AZI2: variants seen among roughly 807,000 people sequenced by gnomAD.
The protein encoded by AZI2 is 5-azacytidine-induced protein 2.
Under a neutral mutation model 45.8 loss-of-function variants are expected in AZI2, and 22 were observed. The ratio of observed to expected loss-of-function variants is 0.48; its 90% CI spans 0.34 to 0.69. The LOEUF (loss-of-function observed/expected upper bound fraction) is 0.69, where lower values mean the gene tolerates loss of function less well. Among genes scored for constraint, AZI2 ranks in the 30% least tolerant of loss-of-function variants. AZI2 has a pLI of 0.01. For missense variants in AZI2, 417 were observed against 441.5 expected, an observed-to-expected ratio of 0.94 and a Z score of 0.50; for synonymous variants, 137 against 156.7, an observed-to-expected ratio of 0.87 and a Z score of 0.94.
chr3:28,333,474 A>G lies in AZI2; in HGVS notation c.589-1047T>C, dbSNP rs185590078. Among the ~76,000 whole-genome samples the G allele has an allele frequency of 3.9e-3, 596 of 151,898 alleles. 4 individuals carry two copies. Among genetic ancestry groups the G allele is most frequent in the Middle Eastern group, 6.8e-3 (2 of 294 alleles). Reference sequence around the variant, plus strand: ...TTACAGGAAATAATGGAATCTGATCAGATCACTTTTAGTATCCTTGTATCA... The same window carrying G: ...TTACAGGAAATAATGGAATCTGATCGGATCACTTTTAGTATCCTTGTATCA... On this transcript the variant is annotated intron_variant, in intron 5 of 7. Transcript: ENST00000479665.
chr3:28,340,717 C>G, intron 1 of AZI2, 95 bp from the exon 2 acceptor site: 5 of 977,704 alleles, frequency 5.1e-6, no homozygotes, highest in Non-Finnish European at 7.4e-6. Context: ...AATACTAGGA[C>G]AATGTTTAAA....
intron 1 of AZI2, 144 bp downstream of exon 1, chr3:28,348,457 T>G (rs1325301614): frequency 1.3e-5 from 2 of 150,832 alleles, no homozygotes; most frequent in Non-Finnish European, 1.5e-5. Flanking sequence ...TGCCCAGGAG[T>G]GGGCCGCTCC....
intron 4 of AZI2, 35 bp downstream of exon 4, chr3:28,337,902 T>C (rs1242831367): frequency 1.1e-5 from 14 of 1,280,520 alleles, no homozygotes; most frequent in Non-Finnish European, 1.5e-5. Context: ...ATATGTTAAT[T>C]CTGTTAGAAT....
chr3:28,324,711 T>G (rs1443825525), intron 7 of AZI2: 1 of 327,830 alleles, frequency 3.1e-6, no homozygotes, highest in Non-Finnish European at 5.5e-6. Flanking sequence ...GCAGAATGGA[T>G]ATAGAATTCC....
intron 7 of AZI2, chr3:28,325,114 T>C (rs1394162506): frequency 6.6e-5 from 9 of 135,902 alleles, no homozygotes; most frequent in Non-Finnish European, 1.2e-4. Context: ...GTGGTCACAA[T>C]GTAGGTAAAG....
intron 5 of AZI2, 127 bp from the exon 6 acceptor site, chr3:28,332,554 T>TA: frequency 1.6e-6 from 1 of 643,728 alleles, no homozygotes; most frequent in South Asian, 2.2e-5. Context: ...AAGAATACAA[T>TA]TAGATTTTAT....
intron 6 of AZI2, among the ~76,000 whole-genome samples, chr3:28,330,207 T>C (rs1703522554): frequency 6.6e-6 from 1 of 151,220 alleles, no homozygotes; most frequent in African/African-American, 2.4e-5. Context: ...GATAGGGCTA[T>C]TATTGTTAAA....
At chr3:28,327,412 A>G (rs1703426814) in intron 6 of AZI2, among the ~76,000 whole-genome samples, 1 of 151,070 alleles carries the variant, frequency 6.6e-6, no homozygotes, top group Non-Finnish European at 1.5e-5. Context: ...TGCTGAATAT[A>G]TATCCAAGTC....
intron 6 of AZI2, among the ~76,000 whole-genome samples, chr3:28,331,514 T>G (rs991130541): frequency 6.6e-6 from 1 of 151,530 alleles, no homozygotes; most frequent in East Asian, 1.9e-4. Flanking sequence ...TGGCACTTTA[T>G]AGAAAAAGTC....
Position 28,323,900 on chromosome 3 carries a change from T to C in AZI2, c.*142A>G. ...CCAACTATGTTGGTTTTTGTACTAT[T>C]GTACAGTGTGTTCAAATATAGATAC... On this transcript the variant is annotated 3_prime_UTR_variant, in exon 8 of 8. Transcript: ENST00000479665. 1 of 924,564 alleles carries C rather than the reference T, an allele frequency of 1.1e-6. No individual in the cohort carries two copies. The highest frequency in any genetic ancestry group is 1.8e-5 in the South Asian group (1 of 56,876). The allele number at this position is 924,564 out of a possible 1,614,324, so 57.3% of individuals were successfully genotyped here.
intron 5 of AZI2, among the ~76,000 whole-genome samples, chr3:28,334,383 G>T (rs1703709514): frequency 6.6e-6 from 1 of 151,946 alleles, no homozygotes; most frequent in Middle Eastern, 3.4e-3. Flanking sequence ...ACTGAAACAA[G>T]ATTTGAAAGT....
chr3:28,324,227 A>G lies in AZI2; in HGVS notation c.994T>C (p.Cys332Arg), dbSNP rs1380038130. 6.2e-7 allele frequency: 1 copy of G among 1,610,510 alleles called. No individual in the cohort carries two copies. Among genetic ancestry groups the G allele is most frequent in the East Asian group, 2.2e-5 (1 of 44,800 alleles). Residue 332 changes from cysteine (C) to arginine (R), a missense_variant, in exon 8 of 8, where the codon TGC (cysteine) becomes CGC (arginine). By Grantham distance (180) the Cys-to-Arg change is radical (BLOSUM62 -3). Coordinates refer to ENST00000479665, the MANE Select transcript of AZI2 (RefSeq NM_022461.5). ...CCATAAGAACTGTGTTCCTGAAAGCATGTACCATCATTAGGAATGGATCTC... is the reference window on the plus strand; with the variant it reads ...CCATAAGAACTGTGTTCCTGAAAGCGTGTACCATCATTAGGAATGGATCTC... ...NERSIPNDGT[C>R]FQEHSSYGRN...
intron 5 of AZI2, among the ~76,000 whole-genome samples, chr3:28,332,657 A>C (rs1703628071): frequency 6.6e-6 from 1 of 151,708 alleles, no homozygotes; most frequent in Non-Finnish European, 1.5e-5. Flanking sequence ...TTTCTTTAAA[A>C]GAATAAAATT....
intron 1 of AZI2, among the ~76,000 whole-genome samples, chr3:28,341,163 T>C (rs1192592194): frequency 6.6e-6 from 1 of 152,120 alleles, no homozygotes; most frequent in Non-Finnish European, 1.5e-5. Context: ...GTTTGTTGTA[T>C]ATTTAGAATA....
At chr3:28,331,843 T>C in intron 6 of AZI2, 1 of 1,545,786 alleles carries the variant, frequency 6.5e-7, no homozygotes, top group Non-Finnish European at 8.7e-7. Context: ...TGAAAAAGTA[T>C]ATGAACTCTG....
Position 28,323,089 on chromosome 3 carries a change from T to A in AZI2, c.*953A>T, listed in dbSNP as rs1703239726. ...CCCTGATTTCTATGATTAAAAATAA[T>A]AATTTTAAATCACTTTCTCAATAAA... On this transcript the variant is annotated 3_prime_UTR_variant, in exon 8 of 8. Coordinates refer to ENST00000479665, the MANE Select transcript of AZI2 (RefSeq NM_022461.5). 1 of 151,162 alleles carries A rather than the reference T, an allele frequency of 6.6e-6. No individual in the cohort carries two copies. The highest frequency in any genetic ancestry group is 2.1e-4 in the South Asian group (1 of 4,826). 9.4% of individuals were successfully genotyped at this position (151,162 alleles called of 1,614,324 possible).
intron 5 of AZI2, among the ~76,000 whole-genome samples, chr3:28,333,841 ATATAGGTTTCTATAC>A (rs1703683071): frequency 6.6e-6 from 1 of 151,718 alleles, no homozygotes; most frequent in Non-Finnish European, 1.5e-5. Context: ...TGTTCAAGTT[ATATAGGTTTCTATAC>A]TATAGCAGAA....
intron 5 of AZI2, among the ~76,000 whole-genome samples, chr3:28,335,851 T>C (rs1268434943): frequency 1.3e-5 from 2 of 152,034 alleles, no homozygotes; most frequent in Non-Finnish European, 2.9e-5. Flanking sequence ...AATGCTTTGG[T>C]AGGCAAAATG....
chr3:28,340,529 G>A lies in AZI2; in HGVS notation c.89C>T (p.Ser30Leu). 1.9e-6 allele frequency: 3 copies of A among 1,612,810 alleles called. No homozygotes were observed. Among genetic ancestry groups the A allele is most frequent in the Non-Finnish European group, 2.5e-6 (3 of 1,179,160 alleles). Residue 30 changes from serine (S) to leucine (L), a missense_variant, in exon 2 of 8, where the codon TCA becomes TTA. Ser to Leu is a moderately radical substitution (Grantham distance 145, BLOSUM62 -2). Transcript: ENST00000479665. ...RDTVTPVSIY[S>L]GDESVASHFA... is the part of the protein sequence containing the mutation. ...ATGGGAAGCAACAGATTCATCTCCT[G>A]AATATATTGAAACTGGAGTCACTGT...
Sources: allele counts gnomAD v4.1 joint callset (sites outside exome capture counted in the v4.1 genomes callset), GRCh38; gene constraint gnomAD v4.1.1; transcripts MANE v1.5; gene names NCBI Gene and HGNC (gene_info 2026-07-23, HGNC 2026-07-21).